Variants in RP1L1 observed in about 807,000 individuals in gnomAD.
The protein encoded by RP1L1 is RP1 like 1.
Under a neutral mutation model 15.7 loss-of-function variants are expected in RP1L1, and 27 were observed. The ratio of observed to expected loss-of-function variants is 1.72; its 90% CI spans 1.27 to 2.38. The LOEUF is 2.38. Among genes scored for constraint, RP1L1 ranks in the 30% most tolerant of loss-of-function variants. The pLI is 0.00. For missense variants in RP1L1, 4,798 were observed against 3,075.9 expected, an observed-to-expected ratio of 1.56 and a Z score of -13.24; for synonymous variants, 1,813 against 1,276.7, an observed-to-expected ratio of 1.42 and a Z score of -8.96.
intron 2 of RP1L1, among the ~76,000 whole-genome samples, chr8:10,616,968 G>T (rs757277043): frequency 3.9e-5 from 6 of 152,124 alleles, no homozygotes; most frequent in Non-Finnish European, 5.9e-5. Context: ...CTCCCACAGC[G>T]GGGCCCGATT....
chr8:10,640,063 A>G (rs1214359135), intron 1 of RP1L1, among the ~76,000 whole-genome samples: 1 of 152,250 alleles, frequency 6.6e-6, no homozygotes, highest in Non-Finnish European at 1.5e-5. Flanking sequence ...AAACTAAAAC[A>G]TAAAGCTATC....
chr8:10,612,488 G>C lies in RP1L1; in HGVS notation c.1610C>G (p.Ala537Gly), dbSNP rs1797882567. 2 of 1,612,356 alleles carry C rather than the reference G, an allele frequency of 1.2e-6. No individual in the cohort carries two copies. Among genetic ancestry groups the C allele is most frequent in the African/African-American group, 2.7e-5 (2 of 74,934 alleles). The change falls in exon 4 of 4, where the codon GCC (alanine) becomes GGC (glycine). Residue 537 changes from alanine to glycine, a missense_variant. Ala to Gly is a moderately conservative substitution (Grantham distance 60). Transcript: ENST00000382483. ...SEEGASSDSSASTGSHEGSSE... is the reference protein window; with the variant it reads ...SEEGASSDSSGSTGSHEGSSE... ...GGATCCCTCATGAGAGCCGGTGCTG[G>C]CTGACGAGTCCGAAGAAGCCCCCTC...
chr8:10,631,218 C>T (rs963582867), intron 1 of RP1L1, among the ~76,000 whole-genome samples: 1 of 151,876 alleles, frequency 6.6e-6, no homozygotes, highest in African/African-American at 2.4e-5. Flanking sequence ...CACACACACA[C>T]ACACAAACGC....
rs372699223 is a variant in RP1L1, at chr8:10,613,008, G to A, written c.1090C>T (p.Pro364Ser). 4 of 1,613,314 alleles carry A rather than the reference G, an allele frequency of 2.5e-6. No homozygotes were observed. Among genetic ancestry groups the A allele is most frequent in the Non-Finnish European group, 3.4e-6 (4 of 1,179,984 alleles). ...TAGCCCTCCCACACACAGCAGAGGG[G>A]GTCTACCTCCCCCAGAACGGGGTCT... ...GEDPVLGEVDPLCCVWEGYPW... is the reference protein window; with the variant it reads ...GEDPVLGEVDSLCCVWEGYPW... Residue 364 changes from proline (P) to serine (S), a missense_variant, in exon 4 of 4, where the codon CCC becomes TCC. By Grantham distance (74) the Pro-to-Ser change is moderately conservative (BLOSUM62 -1). Coordinates refer to ENST00000382483, the MANE Select transcript of RP1L1 (RefSeq NM_178857.6).
intron 1 of RP1L1, among the ~76,000 whole-genome samples, chr8:10,632,939 G>A (rs1335658092): frequency 6.6e-6 from 1 of 152,186 alleles, no homozygotes; most frequent in Non-Finnish European, 1.5e-5. Flanking sequence ...CTTGGGCGGA[G>A]GCTGCAAAAT....
At chr8:10,632,082 G>C (rs4841401) in intron 1 of RP1L1, among the ~76,000 whole-genome samples, 52,776 of 152,132 alleles carry the variant, frequency 0.35, 11,609 homozygotes, top group East Asian at 0.92. Flanking sequence ...GTCCTGTCGA[G>C]GAAGCAAAGA....
chr8:10,647,296 G>A (rs547805797), intron 1 of RP1L1, among the ~76,000 whole-genome samples: 1 of 152,360 alleles, frequency 6.6e-6, no homozygotes, highest in Admixed American at 6.5e-5. Context: ...GCCTGCTATG[G>A]TTGTCGCTCT....
rs1338660711 is a variant in RP1L1 at position 10,612,824 on chromosome 8, C to G, written c.1274G>C (p.Arg425Thr). Residue 425 changes from arginine to threonine, a missense_variant, in exon 4 of 4, where the codon AGG becomes ACG. By Grantham distance (71) the Arg-to-Thr change is moderately conservative. Transcript: ENST00000382483. ...SQGERVAARK[R>T]WGLAQHVRCS... ...GCGGACGTGCTGGGCCAGTCCCCAC[C>G]TCTTCCGAGCTGCCACTCTCTCTCC... The G allele has an allele frequency of 2.5e-6, 4 of 1,612,234 alleles. No homozygotes were observed. The highest frequency in any genetic ancestry group is 3.4e-6 in the Non-Finnish European group (4 of 1,179,868).
In RP1L1 at chr8:10,622,593, C is replaced by A; in HGVS notation, c.609G>T (p.Lys203Asn). ...VKQLYTTSGK[K>N]VDSLQALLHS... is the part of the protein sequence containing the mutation. The stretch of plus-strand genomic sequence containing the variant: ...GAACCGTCAGACCCCAACAGCCTAC[C>A]TTTTTCCCGCTGGTCGTGTACAACT... The change falls in exon 2 of 4, where the codon AAG becomes AAT. Residue 203 changes from lysine (K) to asparagine (N), a missense_variant and splice_region_variant. Transcript: ENST00000382483. 1 of 1,614,166 alleles carries A rather than the reference C, an allele frequency of 6.2e-7. No individual in the cohort carries two copies. Among genetic ancestry groups the A allele is most frequent in the South Asian group, 1.1e-5 (1 of 91,052 alleles).
intron 1 of RP1L1, among the ~76,000 whole-genome samples, chr8:10,627,401 T>A (rs1798175424): frequency 6.6e-6 from 1 of 152,150 alleles, no homozygotes; most frequent in Non-Finnish European, 1.5e-5. Context: ...AAGTGCTGTA[T>A]AATTCCACTT....
At chr8:10,621,716 G>C (rs185290076) in intron 2 of RP1L1, 7 of 504,366 alleles carry the variant, frequency 1.4e-5, no homozygotes, top group Admixed American at 8.0e-5. Flanking sequence ...AATTAGGTCA[G>C]TCAACCTCCA....
chr8:10,637,225 T>C (rs1273191975), intron 1 of RP1L1, among the ~76,000 whole-genome samples: 1 of 152,168 alleles, frequency 6.6e-6, no homozygotes, highest in East Asian at 1.9e-4. Flanking sequence ...GGGCGTCCCC[T>C]TCACAGTCCC....
chr8:10,628,108 C>G (rs1037375080), intron 1 of RP1L1, among the ~76,000 whole-genome samples: 13 of 152,148 alleles, frequency 8.5e-5, no homozygotes, highest in African/African-American at 3.1e-4. Context: ...GTTCATGAGC[C>G]CAACTAGGCT....
In RP1L1 at chr8:10,607,249, T is replaced by G; in HGVS notation, c.6849A>C (p.Pro2283=). Residue 2283 remains proline, a synonymous_variant, in exon 4 of 4, where the codon CCA becomes CCC. Transcript: ENST00000382483. The stretch of plus-strand genomic sequence containing the variant: ...GCCTTTGGTGGGGAGTGTCTCCACC[T>G]GGGGAAGGGGGTGGAGTGGGCCTGT... ...PEDRPTPPPS[P]GGDTPHQRPG... is the part of the protein sequence containing the mutation. 1.9e-6 allele frequency: 3 copies of G among 1,614,116 alleles called. No individual in the cohort carries two copies. The highest frequency in any genetic ancestry group is 2.5e-6 in the Non-Finnish European group (3 of 1,179,942).
rs1798084016 is a variant in RP1L1, at chr8:10,622,760, G to C, written c.442C>G (p.Leu148Val). 6.2e-7 allele frequency: 1 copy of C among 1,614,076 alleles called. No homozygotes were observed. The highest frequency in any genetic ancestry group is 1.1e-5 in the South Asian group (1 of 91,070). ...APGTSSSRKS[L>V]KTPRRILLIK... ...AGCAGTATCCTCCGGGGGGTTTTAA[G>C]ACTCTTCCGGGAGGAGGAGGTGCCT... Residue 148 changes from leucine (L) to valine (V), a missense_variant, in exon 2 of 4, where the codon CTT (leucine) becomes GTT (valine). By Grantham distance (32) the Leu-to-Val change is conservative. Transcript: ENST00000382483.
Position 10,608,407 on chromosome 8 carries a change from C to T in RP1L1, c.5691G>A (p.Trp1897Ter), listed in dbSNP as rs539890097. The stretch of plus-strand genomic sequence containing the variant: ...CACCTTCTGACTCTGGCTGGACCTC[C>T]CATTCTGCCTCTGGGGTCTCTACAT... ...SEDVETPEAEWEVQPESEGAE... is the reference protein window; with the variant it reads ...SEDVETPEAE Residue 1897 changes from tryptophan (W) to a stop codon, truncating the protein, a stop_gained, in exon 4 of 4, where the codon TGG becomes TGA. Coordinates refer to ENST00000382483, the MANE Select transcript of RP1L1 (RefSeq NM_178857.6). LOFTEE classifies it low-confidence loss of function (END_TRUNC). 1 of 1,607,862 alleles carries T rather than the reference C, an allele frequency of 6.2e-7. No homozygotes were observed. The highest frequency in any genetic ancestry group is 1.1e-5 in the South Asian group (1 of 90,814).
intron 1 of RP1L1, among the ~76,000 whole-genome samples, chr8:10,631,245 G>A (rs1362153694): frequency 2.1e-5 from 3 of 145,672 alleles, no homozygotes; most frequent in Non-Finnish European, 4.5e-5. Context: ...GTACACACAT[G>A]CACACATGCA....
chr8:10,614,140 C>T (rs1363666944), intron 3 of RP1L1, among the ~76,000 whole-genome samples: 2 of 152,174 alleles, frequency 1.3e-5, no homozygotes, highest in Admixed American at 6.5e-5. Flanking sequence ...ACACCCAGCA[C>T]AGCAGGTGAA....
chr8:10,623,257 C>T, intron 1 of RP1L1, 37 bp from the exon 2 acceptor site: 1 of 1,473,694 alleles, frequency 6.8e-7, no homozygotes, highest in Non-Finnish European at 9.0e-7. Context: ...CAGAGAGCAG[C>T]TTGGGGGATT....
Sources: allele counts gnomAD v4.1 joint callset (sites outside exome capture counted in the v4.1 genomes callset), GRCh38; gene constraint gnomAD v4.1.1; transcripts MANE v1.5; gene names NCBI Gene and HGNC (gene_info 2026-07-23, HGNC 2026-07-21).